The following ROBO2 variants were observed in gnomAD, a reference collection of about 807,000 sequenced individuals.
The protein encoded by ROBO2 is roundabout guidance receptor 2, also known as roundabout homolog 2.
ROBO2 carries 53 observed loss-of-function variants against 160.8 expected under a neutral mutation model. The observed-to-expected ratio is 0.33, with a 90% confidence interval of 0.26 to 0.41. ROBO2 has a LOEUF of 0.41. Among genes scored for constraint, ROBO2 ranks in the 10% least tolerant of loss-of-function variants. The pLI is 1.00. For missense variants in ROBO2, 1,577 were observed against 1,722.4 expected, an observed-to-expected ratio of 0.92 and a Z score of 1.49; for synonymous variants, 664 against 611.7, an observed-to-expected ratio of 1.09 and a Z score of -1.26.
chr3:76,741,099 T>G (rs1217627161), intron 2 of ROBO2, among the ~76,000 whole-genome samples: 1 of 152,066 alleles, frequency 6.6e-6, no homozygotes, highest in Non-Finnish European at 1.5e-5. Context: ...TGTAGGACAT[T>G]TCTAATCTCA....
chr3:76,727,903 T>A (rs2093578188), intron 2 of ROBO2, among the ~76,000 whole-genome samples: 1 of 152,086 alleles, frequency 6.6e-6, no homozygotes, highest in East Asian at 1.9e-4. Flanking sequence ...AAGAGATGAT[T>A]TGAAATGCCC....
At chr3:77,128,103 AT>A (rs2150329717) in intron 2 of ROBO2, among the ~76,000 whole-genome samples, 1 of 152,310 alleles carries the variant, frequency 6.6e-6, no homozygotes, top group South Asian at 2.1e-4. Context: ...TGTTTCAAAA[AT>A]TATACTTACT....
At chr3:77,219,537 A>G (rs1308963078) in intron 2 of ROBO2, among the ~76,000 whole-genome samples, 1 of 145,138 alleles carries the variant, frequency 6.9e-6, no homozygotes, top group Non-Finnish European at 1.5e-5. Flanking sequence ...ATATATATAT[A>G]TGTCACCTGA....
intron 2 of ROBO2, among the ~76,000 whole-genome samples, chr3:76,072,843 G>A (rs2068507689): frequency 6.6e-6 from 1 of 152,180 alleles, no homozygotes; most frequent in South Asian, 2.1e-4. Context: ...AGGCAGTAAA[G>A]TTGTACTAAG....
intron 2 of ROBO2, among the ~76,000 whole-genome samples, chr3:76,245,720 C>G (rs1456064933): frequency 2.6e-5 from 4 of 152,020 alleles, no homozygotes; most frequent in Non-Finnish European, 4.4e-5. Flanking sequence ...CTCAATTTAT[C>G]TATAATAAAT....
At chr3:76,265,504 T>C (rs1394409278) in intron 2 of ROBO2, among the ~76,000 whole-genome samples, 1 of 152,160 alleles carries the variant, frequency 6.6e-6, no homozygotes, top group East Asian at 1.9e-4. Context: ...AGTTATAAAT[T>C]CATAGCAGTA....
At chr3:76,288,192 G>A (rs1708623467) in intron 2 of ROBO2, among the ~76,000 whole-genome samples, 1 of 151,988 alleles carries the variant, frequency 6.6e-6, no homozygotes, top group African/African-American at 2.4e-5. Context: ...GTTGATCAAA[G>A]AAACATACAA....
intron 2 of ROBO2, among the ~76,000 whole-genome samples, chr3:76,509,875 G>C (rs13099191): frequency 0.3 from 45,892 of 151,730 alleles, 8,579 homozygotes; most frequent in East Asian, 0.41. Flanking sequence ...AAAATTATAC[G>C]ACGAGTAGAA....
At chr3:76,204,781 A>G (rs1702720089) in intron 2 of ROBO2, among the ~76,000 whole-genome samples, 1 of 152,182 alleles carries the variant, frequency 6.6e-6, no homozygotes, top group Non-Finnish European at 1.5e-5. Context: ...ATTATGTGCC[A>G]GAGAATCACA....
intron 2 of ROBO2, among the ~76,000 whole-genome samples, chr3:77,200,015 A>T: frequency 6.6e-6 from 1 of 151,564 alleles, no homozygotes; most frequent in South Asian, 2.1e-4. Flanking sequence ...TGCATGCAAC[A>T]AGTAAGTGAA....
intron 2 of ROBO2, among the ~76,000 whole-genome samples, chr3:76,007,969 C>T (rs1436857539): frequency 2.0e-5 from 3 of 151,958 alleles, no homozygotes; most frequent in Admixed American, 1.3e-4. Context: ...TAAGTCTGGG[C>T]ACGGTGCCTC....
At chr3:76,877,279 G>T (rs971306249) in intron 2 of ROBO2, among the ~76,000 whole-genome samples, 2 of 152,104 alleles carry the variant, frequency 1.3e-5, no homozygotes, top group African/African-American at 4.8e-5. Context: ...GTCAAAAGAT[G>T]GTAGTCTTAA....
At chr3:77,277,157 C>CTTCTTTCCTTCTTTCCTTCT (rs1553882840) in intron 2 of ROBO2, among the ~76,000 whole-genome samples, 341 of 88,144 alleles carry the variant, frequency 3.9e-3, no homozygotes, top group African/African-American at 0.014. Context: ...TCCTTCTTTC[C>CTTCTTTCCTTCTTTCCTTCT]TTCTTTCTTT....
intron 2 of ROBO2, among the ~76,000 whole-genome samples, chr3:77,163,876 A>T (rs2078710133): frequency 6.6e-6 from 1 of 152,208 alleles, no homozygotes; most frequent in South Asian, 2.1e-4. Flanking sequence ...TTTCTCTCAA[A>T]GGATGGATGT....
rs116098908 is a variant in ROBO2 at position 77,508,733 on chromosome 3, G to C, written c.807-14042G>C. ...ATGTTAATATTTGATATAAATGAAGGGTTTATCAATAATGGAATCTGTTTA... is the reference window on the plus strand; with the variant it reads ...ATGTTAATATTTGATATAAATGAAGCGTTTATCAATAATGGAATCTGTTTA... On this transcript the variant is annotated intron_variant, in intron 5 of 25. Transcript: ENST00000461745. Among the ~76,000 whole-genome samples, 924 of 151,672 alleles carry C rather than the reference G, an allele frequency of 6.1e-3. 5 individuals carry two copies. The highest frequency in any genetic ancestry group is 8.5e-3 in the Non-Finnish European group (574 of 67,864).
At chr3:76,228,844 T>G (rs1362990902) in intron 2 of ROBO2, among the ~76,000 whole-genome samples, 1 of 152,150 alleles carries the variant, frequency 6.6e-6, no homozygotes, top group East Asian at 1.9e-4. Context: ...TTTGGTTATT[T>G]CAAAATATCC....
At chr3:76,571,402 G>A (rs1224258151) in intron 2 of ROBO2, among the ~76,000 whole-genome samples, 1 of 151,896 alleles carries the variant, frequency 6.6e-6, no homozygotes, top group Admixed American at 6.6e-5. Context: ...TAAAATATAG[G>A]AAGCCATAAA....
At chr3:76,877,021 A>T (rs2072812459) in intron 2 of ROBO2, among the ~76,000 whole-genome samples, 1 of 151,960 alleles carries the variant, frequency 6.6e-6, no homozygotes, top group Non-Finnish European at 1.5e-5. Context: ...TATATATTTT[A>T]CAAGTCCTAG....
chr3:76,792,067 A>G (rs753447865), intron 2 of ROBO2, among the ~76,000 whole-genome samples: 2 of 151,876 alleles, frequency 1.3e-5, no homozygotes, highest in African/African-American at 2.4e-5. Flanking sequence ...CTAGGAGACA[A>G]TGTTGATTTA....
Sources: allele counts gnomAD v4.1 joint callset (sites outside exome capture counted in the v4.1 genomes callset), GRCh38; gene constraint gnomAD v4.1.1; transcripts MANE v1.5; gene names NCBI Gene and HGNC (gene_info 2026-07-23, HGNC 2026-07-21).